PITPNM2: variants seen among roughly 807,000 people sequenced by gnomAD.
PITPNM2 encodes phosphatidylinositol transfer protein membrane associated 2.
PITPNM2 carries 35 observed loss-of-function variants against 132.2 expected under a neutral mutation model. The observed-to-expected ratio is 0.26, with a 90% confidence interval of 0.20 to 0.35. The LOEUF is 0.35. PITPNM2 is among the 10% of genes least tolerant of loss of function. The pLI, the probability that PITPNM2 is intolerant of heterozygous loss-of-function variation, is 1.00. For synonymous variants in PITPNM2, 738 were observed against 799.2 expected, an observed-to-expected ratio of 0.92 and a Z score of 1.29; for missense variants, 1,332 against 1,912.0, an observed-to-expected ratio of 0.70 and a Z score of 5.66.
chr12:122,987,627 T>C lies in PITPNM2; in HGVS notation c.3147A>G (p.Ser1049=). The C allele has an allele frequency of 6.2e-7, 1 of 1,613,730 alleles. No homozygotes were observed. Among genetic ancestry groups the C allele is most frequent in the Non-Finnish European group, 8.5e-7 (1 of 1,179,918 alleles). ...GCGTATCCAGGTAGAGCCACTCGCC[T>C]GAGGGCGGCTGGGTCATGATGTGCA... The part of the protein sequence containing the change: ...VDVHIMTQPP[S]GEWLYLDTLV... The change falls in exon 22 of 26, where the codon TCA becomes TCG. Residue 1049 remains serine, a synonymous_variant. Transcript: ENST00000320201.
rs1223438432 is a variant in PITPNM2 at position 123,023,475 on chromosome 12, T to A, written c.79-9433A>T. ...CTACTTGTGGTATACATGGGGAAAC[T>A]GAGGGCCAGGGACTGGAAGCAACAT... On this transcript the variant is annotated intron_variant, in intron 3 of 25. Transcript: ENST00000320201. The surrounding 1 kb of genome is among the most constrained non-coding windows in gnomAD (Gnocchi z 4.8). 6.6e-6 allele frequency among the ~76,000 whole-genome samples: 1 copy of A among 152,064 alleles called. No homozygotes were observed. The highest frequency in any genetic ancestry group is 1.5e-5 in the Non-Finnish European group (1 of 68,014).
At chr12:123,052,077 GT>G (rs10606016) in intron 2 of PITPNM2, among the ~76,000 whole-genome samples, 3,497 of 100,618 alleles carry the variant, frequency 0.035, 34 homozygotes, top group African/African-American at 0.051. Context: ...TAATTTTATT[GT>G]TTTTTTTTTT....
Position 122,994,750 on chromosome 12 carries a change from C to G in PITPNM2, c.2233+51G>C. ...TCACAGGGGTCCACTGAGACCCCCG[C>G]CCCCGCACCCAGTGCATGTACCCCC... On this transcript the variant is annotated intron_variant, in intron 15 of 25. Transcript: ENST00000320201. This position sits in a 1 kb window ranked among gnomAD's most constrained non-coding sequence, Gnocchi z 5.4. 3.9e-6 allele frequency: 6 copies of G among 1,552,752 alleles called. No homozygotes were observed. The highest frequency in any genetic ancestry group is 5.2e-6 in the Non-Finnish European group (6 of 1,151,586).
chr12:123,007,304 T>C (rs936236385), intron 6 of PITPNM2: 5 of 455,896 alleles, frequency 1.1e-5, no homozygotes, highest in African/African-American at 8.0e-5. Flanking sequence ...CCACATTTCA[T>C]TGATTCCTTT....
intron 3 of PITPNM2, among the ~76,000 whole-genome samples, chr12:123,021,237 C>T (rs1341442472): frequency 1.3e-5 from 2 of 152,110 alleles, no homozygotes; most frequent in South Asian, 2.1e-4. Context: ...TGGGTAGAGG[C>T]CACAAGGTCC....
At chr12:123,126,258 A>C (rs2043139892) in intron 1 of PITPNM2, among the ~76,000 whole-genome samples, 1 of 152,188 alleles carries the variant, frequency 6.6e-6, no homozygotes, top group Non-Finnish European at 1.5e-5. Flanking sequence ...AGTGAGTTGA[A>C]TATAACTGCT....
chr12:123,037,632 C>T (rs2040320516), intron 2 of PITPNM2, among the ~76,000 whole-genome samples: 1 of 152,196 alleles, frequency 6.6e-6, no homozygotes, highest in Admixed American at 6.5e-5. Flanking sequence ...CTTTGGGAGT[C>T]TTAACCCCTC....
chr12:123,029,930 A>G (rs2040018548), intron 3 of PITPNM2, among the ~76,000 whole-genome samples: 1 of 148,790 alleles, frequency 6.7e-6, no homozygotes. Context: ...GAAACTGGGA[A>G]AACAGACCCA....
At chr12:123,043,342 G>C (rs2040554279) in intron 2 of PITPNM2, among the ~76,000 whole-genome samples, 1 of 152,058 alleles carries the variant, frequency 6.6e-6, no homozygotes, top group African/African-American at 2.4e-5. Context: ...AGGCTGGAAG[G>C]GCAAGGACCA....
intron 2 of PITPNM2, among the ~76,000 whole-genome samples, chr12:123,057,272 C>T (rs1018403394): frequency 1.3e-5 from 2 of 151,066 alleles, no homozygotes; most frequent in Non-Finnish European, 2.9e-5. Context: ...CCCAACTACT[C>T]GGGAGGCTGA....
At position 123,083,142 on chromosome 12, in the gene PITPNM2, A is replaced by G. The variant is rs1201051111; in HGVS notation, c.-96+27243T>C. On this transcript the variant is annotated intron_variant, in intron 2 of 25. Transcript: ENST00000320201. This position sits in a 1 kb window ranked among gnomAD's most constrained non-coding sequence, Gnocchi z 4.5. Reference sequence around the variant, plus strand: ...CTGTGGTGGGAGGATTGTTTGACCCAGGAGTTTGAGCCCAGCCCCCTTGGG... The same window carrying G: ...CTGTGGTGGGAGGATTGTTTGACCCGGGAGTTTGAGCCCAGCCCCCTTGGG... 2.0e-5 allele frequency: 3 copies of G among 152,176 alleles called. No individual in the cohort carries two copies. Among genetic ancestry groups the G allele is most frequent in the Non-Finnish European group, 4.4e-5 (3 of 68,062 alleles). 9.4% of individuals were successfully genotyped at this position (152,176 alleles called of 1,614,324 possible).
chr12:123,147,739 T>C (rs2043647219), intron 1 of PITPNM2, among the ~76,000 whole-genome samples: 1 of 152,062 alleles, frequency 6.6e-6, no homozygotes, highest in East Asian at 1.9e-4. Flanking sequence ...GAGCCACACA[T>C]AGTGTGGCAA....
rs553495788 is a variant in PITPNM2 at position 123,108,409 on chromosome 12, G to A, written c.-96+1976C>T. 6.6e-6 allele frequency among the ~76,000 whole-genome samples: 1 copy of A among 152,252 alleles called. No individual in the cohort carries two copies. The highest frequency in any genetic ancestry group is 2.4e-5 in the African/African-American group (1 of 41,546). ...AGGAGACCAAGGCTGTGTTGAAGCA[G>A]CGTCCCTCAGAGCAATGTCAGTGCT... On this transcript the variant is annotated intron_variant, in intron 2 of 25. Transcript: ENST00000320201. This position sits in a 1 kb window ranked among gnomAD's most constrained non-coding sequence, Gnocchi z 4.4.
intron 8 of PITPNM2, among the ~76,000 whole-genome samples, chr12:123,002,907 T>G (rs1171942508): frequency 6.6e-6 from 1 of 152,158 alleles, no homozygotes; most frequent in Admixed American, 6.5e-5. Flanking sequence ...TTAAAAAAAT[T>G]TTTTTATTTT....
chr12:123,034,770 C>CGTGT, intron 2 of PITPNM2, 85 bp from the exon 3 acceptor site: 1 of 598,480 alleles, frequency 1.7e-6, no homozygotes, highest in Non-Finnish European at 3.0e-6. Flanking sequence ...GCCCGGTCTA[C>CGTGT]ACCTGAGGCT....
Position 123,000,298 on chromosome 12 carries a change from A to G in PITPNM2, c.1224+480T>C, listed in dbSNP as rs1289201319. 3 of 651,538 alleles carry G rather than the reference A, an allele frequency of 4.6e-6. No individual in the cohort carries two copies. The African/African-American group carries it at 5.5e-5, about 12-fold the overall frequency. The allele number at this position is 651,538 out of a possible 1,614,324, so 40.4% of individuals were successfully genotyped here. On this transcript the variant is annotated intron_variant, in intron 10 of 25. Coordinates refer to ENST00000320201, the MANE Select transcript of PITPNM2 (RefSeq NM_020845.3). This position sits in a 1 kb window ranked among gnomAD's most constrained non-coding sequence, Gnocchi z 5.4. ...CACAGAGAACCCCCGAAGCGGATAC[A>G]GGCGCTCTACCAAGACAGTTTTATT... is the stretch of plus-strand genomic sequence containing the variant.
chr12:123,024,316 T>C lies in PITPNM2; in HGVS notation c.78+10197A>G, dbSNP rs970553388. 8.5e-5 allele frequency among the ~76,000 whole-genome samples: 13 copies of C among 152,126 alleles called. 1 individual carries two copies. The highest frequency in any genetic ancestry group is 6.5e-4 in the Admixed American group (10 of 15,276). On this transcript the variant is annotated intron_variant, in intron 3 of 25. Transcript: ENST00000320201. ...GTGGAGCAATGGAACCCTCGTACAT[T>C]GATGGTGGGAACGTAAAATGGTGCA...
At chr12:123,039,957 C>A (rs1187047430) in intron 2 of PITPNM2, among the ~76,000 whole-genome samples, 3 of 152,086 alleles carry the variant, frequency 2.0e-5, no homozygotes, top group African/African-American at 7.2e-5. Flanking sequence ...CGTGGTGAAA[C>A]CCCATCTCTA....
At chr12:123,061,328 C>G (rs1029580228) in intron 2 of PITPNM2, among the ~76,000 whole-genome samples, 8 of 152,210 alleles carry the variant, frequency 5.3e-5, no homozygotes, top group African/African-American at 1.9e-4. Flanking sequence ...GCCCTAAGGC[C>G]AATCCTCATC....
Sources: gnomAD v4.1 joint callset for allele counts (sites outside exome capture counted in the v4.1 genomes callset) on GRCh38, gnomAD v4.1.1 for gene constraint, Gnocchi (gnomAD v3.1) non-coding constraint, MANE v1.5 for transcripts, NCBI Gene and HGNC (gene_info 2026-07-23, HGNC 2026-07-21) for gene names.